The following ATAD5 variants were observed in gnomAD, a reference collection of about 807,000 sequenced individuals.
ATAD5 encodes ATPase family AAA domain-containing protein 5.
A neutral mutation model predicts 176.9 loss-of-function variants in ATAD5; 58 were observed. That is an observed-to-expected ratio of 0.33 (90% CI 0.27 to 0.41). ATAD5 has a LOEUF of 0.41. Among genes scored for constraint, ATAD5 ranks in the 10% least tolerant of loss-of-function variants. The probability of loss-of-function intolerance (pLI) is 1.00; values close to 1 mark genes in which losing one functional copy is unlikely to be tolerated. For missense variants in ATAD5, 1,789 were observed against 2,094.1 expected (o/e 0.85, Z 2.84); for synonymous variants, 640 against 712.6 (o/e 0.90, Z 1.62).
At chr17:30,839,477 G>A (rs1476750375) in intron 3 of ATAD5, among the ~76,000 whole-genome samples, 3 of 151,280 alleles carry the variant, frequency 2.0e-5, no homozygotes, top group East Asian at 3.9e-4. Context: ...GGGTTTCACC[G>A]TGTTAGCCAG....
rs749345154 is a variant in ATAD5 at position 30,893,468 on chromosome 17, G to C, written c.4615G>C (p.Ala1539Pro). 12 of 1,613,664 alleles carry C rather than the reference G, an allele frequency of 7.4e-6. No homozygotes were observed. Among genetic ancestry groups the C allele is most frequent in the Non-Finnish European group, 1.0e-5 (12 of 1,179,902 alleles). ...CCCATCAGTAACTGTGGATGCCAGT[G>C]CAGCAACAAAAAGTATGAATTGTCT... is the stretch of plus-strand genomic sequence containing the variant. Reference protein sequence around the residue: ...CGPSVTVDASAATKSMNCLAR... With the variant: ...CGPSVTVDASPATKSMNCLAR... Residue 1539 changes from alanine to proline, a missense_variant, in exon 21 of 23, where the codon GCA (alanine) becomes CCA (proline). By Grantham distance (27) the Ala-to-Pro change is conservative. Around this residue, in one of 6 missense-constraint regions of ATAD5, gnomAD observed 403 missense variants for 495.1 expected, o/e 0.81. Transcript: ENST00000321990.
rs1909746571 is a variant in ATAD5, at chr17:30,893,549, CAAAAG to C, written c.4701_4705del (p.Lys1567AsnfsTer7). The C allele has an allele frequency of 6.2e-7, 1 of 1,611,094 alleles. No individual in the cohort carries two copies. The highest frequency in any genetic ancestry group is 8.5e-7 in the Non-Finnish European group (1 of 1,179,272). Reference sequence around the variant, plus strand: ...ATTGAAAAAGTCCCAGAAAAAGAAACAAAAGAAAACATTGGTAATATTAGATGATA... The same window carrying C: ...ATTGAAAAAGTCCCAGAAAAAGAAACAAAACATTGGTAATATTAGATGATA... On this transcript the variant is annotated frameshift_variant, in exon 21 of 23. Coordinates refer to ENST00000321990, the MANE Select transcript of ATAD5 (RefSeq NM_024857.5). LOFTEE classifies it high-confidence loss of function.
At chr17:30,850,857 ATATATATATATATTTTTTTTTTTTTTTT>A (rs1906884868) in intron 6 of ATAD5, among the ~76,000 whole-genome samples, 1 of 32,238 alleles carries the variant, frequency 3.1e-5, no homozygotes, top group African/African-American at 9.2e-5. Flanking sequence ...ATATATATAT[ATATATATATATATTTTTTTTTTTTTTTT>A]TTTTTTTTTT....
At chr17:30,850,721 A>G (rs1332597019) in intron 6 of ATAD5, among the ~76,000 whole-genome samples, 1 of 150,498 alleles carries the variant, frequency 6.6e-6, no homozygotes. Context: ...AAAGAAGAAT[A>G]TATAAAAGGA....
At chr17:30,858,993 C>G (rs1597972092) in intron 9 of ATAD5, among the ~76,000 whole-genome samples, 1 of 152,330 alleles carries the variant, frequency 6.6e-6, no homozygotes, top group African/African-American at 2.4e-5. Context: ...GCCTTAGCTT[C>G]CCAAAGTGCT....
At chr17:30,855,514 A>G (rs1907241873) in intron 7 of ATAD5, among the ~76,000 whole-genome samples, 187 bp downstream of exon 7, 1 of 152,052 alleles carries the variant, frequency 6.6e-6, no homozygotes, top group African/African-American at 2.4e-5. Context: ...TGTGGATACT[A>G]GCACTCATGG....
chr17:30,870,482 T>C (rs182495876), intron 14 of ATAD5, among the ~76,000 whole-genome samples: 1 of 152,346 alleles, frequency 6.6e-6, no homozygotes, highest in East Asian at 1.9e-4. Context: ...GGCATACATA[T>C]ACAGGTGGCC....
intron 6 of ATAD5, among the ~76,000 whole-genome samples, chr17:30,846,853 T>G (rs1195723179): frequency 5.9e-5 from 9 of 151,960 alleles, no homozygotes; most frequent in African/African-American, 2.2e-4. Context: ...CCCGAGTAGC[T>G]GGGATTACAG....
intron 3 of ATAD5, 152 bp from the exon 4 acceptor site, chr17:30,840,465 A>T (rs2142315335): frequency 9.7e-6 from 5 of 518,116 alleles, no homozygotes; most frequent in Middle Eastern, 5.6e-4. Flanking sequence ...ACTAATGATA[A>T]CTAGACACAT....
intron 6 of ATAD5, among the ~76,000 whole-genome samples, chr17:30,851,672 T>A (rs1232473999): frequency 3.9e-5 from 6 of 151,968 alleles, no homozygotes; most frequent in Non-Finnish European, 8.8e-5. Flanking sequence ...ATCCTCCGCC[T>A]CCCGGGTTCA....
In ATAD5 at chr17:30,860,910, A is replaced by AT. The variant is rs535146170; in HGVS notation, c.3136+313dup. Among the ~76,000 whole-genome samples the AT allele has an allele frequency of 2.5e-3, 357 of 143,242 alleles. 1 individual carries two copies. The highest frequency in any genetic ancestry group is 5.9e-3 in the African/African-American group (231 of 39,196). The allele number at this position is 143,242 out of a possible 152,430, so 94.0% of individuals were successfully genotyped here. On this transcript the variant is annotated intron_variant, in intron 10 of 22. Coordinates refer to ENST00000321990, the MANE Select transcript of ATAD5 (RefSeq NM_024857.5). The stretch of plus-strand genomic sequence containing the variant: ...AGGCACCCACCTGCACGCCCAGATA[A>AT]TTTTTTTTTTTTTTTGAGATGGAGT...
intron 1 of ATAD5, among the ~76,000 whole-genome samples, chr17:30,833,132 C>T (rs887582968): frequency 6.6e-6 from 1 of 152,066 alleles, no homozygotes; most frequent in Non-Finnish European, 1.5e-5. Context: ...CATTTAACTG[C>T]GACCAGTTGT....
intron 12 of ATAD5, among the ~76,000 whole-genome samples, chr17:30,868,954 A>G (rs1908173150): frequency 6.8e-6 from 1 of 146,666 alleles, no homozygotes; most frequent in Non-Finnish European, 1.5e-5. Flanking sequence ...CTCCCATCTC[A>G]GCCTACCGAG....
At position 30,887,332 on chromosome 17, in the gene ATAD5, T is replaced by C; in HGVS notation, c.4218T>C (p.Ser1406=). Residue 1406 remains serine (S), a synonymous_variant, in exon 19 of 23, where the codon AGT becomes AGC. Coordinates refer to ENST00000321990, the MANE Select transcript of ATAD5 (RefSeq NM_024857.5). ...SILYLQFWIR[S]GGGVLEERPL... is the part of the protein sequence containing the mutation. ...TTTACTTACAATTCTGGATTAGAAG[T>C]GGAGGTGGAGTTTTAGAAGAACGAC... 1 of 1,605,614 alleles carries C rather than the reference T, an allele frequency of 6.2e-7. No homozygotes were observed. Among genetic ancestry groups the C allele is most frequent in the Non-Finnish European group, 8.5e-7 (1 of 1,177,644 alleles).
At chr17:30,889,490 T>C (rs991221889) in intron 19 of ATAD5, among the ~76,000 whole-genome samples, 2 of 151,736 alleles carry the variant, frequency 1.3e-5, no homozygotes, top group Non-Finnish European at 2.9e-5. Flanking sequence ...TATATATATA[T>C]AGGTATATAG....
intron 18 of ATAD5, among the ~76,000 whole-genome samples, chr17:30,881,239 T>G (rs749665846): frequency 6.6e-6 from 1 of 151,532 alleles, no homozygotes; most frequent in Non-Finnish European, 1.5e-5. Flanking sequence ...AGTGAGATAA[T>G]TGTGGTCAGG....
In ATAD5 at chr17:30,879,410, T is replaced by C; in HGVS notation, c.4013-13T>C. 1.2e-6 allele frequency: 2 copies of C among 1,604,100 alleles called. No homozygotes were observed. Among genetic ancestry groups the C allele is most frequent in the Non-Finnish European group, 1.7e-6 (2 of 1,177,190 alleles). The stretch of plus-strand genomic sequence containing the variant: ...TAAGAATTTTTTTTTTTTGTGTGTG[T>C]GTGTGTGTGTAGACCCAACATTTAG... On this transcript the variant is annotated splice_polypyrimidine_tract_variant and intron_variant, in intron 17 of 22. Transcript: ENST00000321990.
At chr17:30,846,549 C>T (rs553405791) in intron 6 of ATAD5, among the ~76,000 whole-genome samples, 8 of 151,478 alleles carry the variant, frequency 5.3e-5, no homozygotes, top group East Asian at 3.9e-4. Flanking sequence ...ACTACAGGCA[C>T]GCACCACCAT....
intron 18 of ATAD5, among the ~76,000 whole-genome samples, chr17:30,882,423 A>G (rs1012722727): frequency 6.6e-5 from 10 of 151,504 alleles, no homozygotes; most frequent in African/African-American, 2.2e-4. Context: ...AATTAGCTGG[A>G]TGTAAAAAGA....
Sources: gnomAD v4.1 joint callset for allele counts (sites outside exome capture counted in the v4.1 genomes callset) on GRCh38, gnomAD v4.1.1 for gene constraint, gnomAD v4.1.1 regional missense constraint, MANE v1.5 for transcripts, NCBI Gene and HGNC (gene_info 2026-07-23, HGNC 2026-07-21) for gene names.